GREB1L: variants seen among roughly 807,000 people sequenced by gnomAD.
GREB1L encodes the protein GREB1 like retinoic acid receptor coactivator.
In GREB1L, 17 loss-of-function variants were observed where a neutral mutation model predicts 200.8. The ratio of observed to expected loss-of-function variants is 0.08; its 90% CI spans 0.06 to 0.13. The LOEUF is 0.13. GREB1L is among the 10% of genes least tolerant of loss of function. The probability of loss-of-function intolerance (pLI) is 1.00; values close to 1 mark genes in which losing one functional copy is unlikely to be tolerated. For synonymous variants in GREB1L, 789 were observed against 893.0 expected, an observed-to-expected ratio of 0.88 and a Z score of 2.08; for missense variants, 1,657 against 2,367.7, an observed-to-expected ratio of 0.70 and a Z score of 6.23.
chr18:21,464,178 A>G (rs1389279768), intron 15 of GREB1L, among the ~76,000 whole-genome samples: 1 of 152,214 alleles, frequency 6.6e-6, no homozygotes, highest in Non-Finnish European at 1.5e-5. Flanking sequence ...CCCACTTTGT[A>G]GTACCAATGT....
intron 7 of GREB1L, among the ~76,000 whole-genome samples, chr18:21,417,040 TATAA>T (rs1294049619): frequency 7.3e-5 from 11 of 151,522 alleles, no homozygotes; most frequent in Admixed American, 3.3e-4. Flanking sequence ...ATAATAAAAA[TATAA>T]ATAAATAAAA....
At chr18:21,477,493 G>A (rs538420228) in intron 17 of GREB1L, 137 bp downstream of exon 17, 1 of 705,282 alleles carries the variant, frequency 1.4e-6, no homozygotes, top group Admixed American at 3.8e-5. Flanking sequence ...TTATGTAAGA[G>A]TTCAAAAATC....
At position 21,441,550 on chromosome 18, in the gene GREB1L, A is replaced by G. The variant is rs1462170163; in HGVS notation, c.1207+13A>G. Reference sequence around the variant, plus strand: ...GTAATTCTGATAGGTAAGGTAATGGAATTCCAAGTTGCCTGTGTCTGCTGG... The same window carrying G: ...GTAATTCTGATAGGTAAGGTAATGGGATTCCAAGTTGCCTGTGTCTGCTGG... On this transcript the variant is annotated intron_variant, in intron 10 of 32. Coordinates refer to ENST00000424526, the MANE Select transcript of GREB1L (RefSeq NM_001142966.3). 1.3e-6 allele frequency: 2 copies of G among 1,541,680 alleles called. No homozygotes were observed. Among genetic ancestry groups the G allele is most frequent in the Non-Finnish European group, 1.7e-6 (2 of 1,143,872 alleles).
rs2034553231 is a variant in GREB1L, at chr18:21,452,075, T to G, written c.1850-8T>G. The G allele has an allele frequency of 6.4e-7, 1 of 1,551,304 alleles. No individual in the cohort carries two copies. Among genetic ancestry groups the G allele is most frequent in the African/African-American group, 1.4e-5 (1 of 72,992 alleles). ...CCTTGTAACCTTCTTATCTCTATTT[T>G]GTAATAGGCGATGACCTAGACAAGC... On this transcript the variant is annotated splice_region_variant and splice_polypyrimidine_tract_variant and intron_variant, in intron 13 of 32. Transcript: ENST00000424526.
At chr18:21,470,130 A>C (rs1434602454) in intron 15 of GREB1L, among the ~76,000 whole-genome samples, 1 of 151,996 alleles carries the variant, frequency 6.6e-6, no homozygotes, top group African/African-American at 2.4e-5. Flanking sequence ...TATTAAAAAA[A>C]AAAAAATCTT....
At chr18:21,289,861 A>G (rs1308546257) in intron 1 of GREB1L, among the ~76,000 whole-genome samples, 1 of 152,152 alleles carries the variant, frequency 6.6e-6, no homozygotes. Context: ...GTGGCTACTA[A>G]TTGCCTCCAG....
In GREB1L at chr18:21,440,358, G is replaced by A; in HGVS notation, c.1039G>A (p.Val347Ile). ...CCCCCAACCTGGCTTAGTTGTACCT[G>A]TCCCTACAGTTCGCCCTCTTTCAAG... Reference protein sequence around the residue: ...PLPQPGLVVPVPTVRPLSRTE... With the variant: ...PLPQPGLVVPIPTVRPLSRTE... Residue 347 changes from valine to isoleucine, a missense_variant, in exon 9 of 33, where the codon GTC becomes ATC. Physicochemically the swap from Val to Ile is conservative, Grantham distance 29. This residue lies in a region of GREB1L where 289 missense variants were observed against 345.1 expected (regional missense o/e 0.84). Transcript: ENST00000424526. 1 of 1,551,814 alleles carries A rather than the reference G, an allele frequency of 6.4e-7. No homozygotes were observed. The highest frequency in any genetic ancestry group is 8.7e-7 in the Non-Finnish European group (1 of 1,146,836).
intron 1 of GREB1L, among the ~76,000 whole-genome samples, chr18:21,300,981 CTG>C (rs2038608314): frequency 6.6e-6 from 1 of 152,126 alleles, no homozygotes; most frequent in African/African-American, 2.4e-5. Context: ...TGAGTCTTTC[CTG>C]TGTTTTCTTG....
intron 1 of GREB1L, among the ~76,000 whole-genome samples, chr18:21,290,217 T>G (rs1018980126): frequency 2.6e-5 from 4 of 152,192 alleles, no homozygotes; most frequent in Non-Finnish European, 4.4e-5. Context: ...GCCCTCTAGA[T>G]GTAGCAAAAA....
intron 15 of GREB1L, among the ~76,000 whole-genome samples, chr18:21,470,894 AAAAAC>A (rs148418945): frequency 1.3e-5 from 2 of 152,350 alleles, no homozygotes; most frequent in African/African-American, 2.4e-5. Context: ...TATGAGGAAA[AAAAAC>A]AAAAATAAAA....
At chr18:21,513,380 C>CA (rs1381744793) in intron 27 of GREB1L, among the ~76,000 whole-genome samples, 5 of 152,220 alleles carry the variant, frequency 3.3e-5, no homozygotes, top group African/African-American at 1.2e-4. Flanking sequence ...CACTGCAGCC[C>CA]AGTTAACTCC....
intron 15 of GREB1L, among the ~76,000 whole-genome samples, chr18:21,471,905 G>GC (rs1200904045): frequency 2.6e-5 from 4 of 152,174 alleles, no homozygotes; most frequent in Non-Finnish European, 5.9e-5. Flanking sequence ...ACAGGCATGA[G>GC]CCACCACACC....
intron 2 of GREB1L, among the ~76,000 whole-genome samples, chr18:21,376,810 C>T (rs1015310591): frequency 2.0e-5 from 2 of 99,954 alleles, no homozygotes; most frequent in African/African-American, 4.7e-5. Context: ...GAGAGTCCGT[C>T]TCAAAAAAAA....
intron 31 of GREB1L, among the ~76,000 whole-genome samples, chr18:21,518,589 A>T (rs1200595894): frequency 1.3e-4 from 20 of 152,232 alleles, no homozygotes; most frequent in Admixed American, 1.3e-3. Context: ...CTTAACATTC[A>T]TCAGATTATA....
chr18:21,497,031 C>G (rs2036573068), intron 21 of GREB1L, among the ~76,000 whole-genome samples: 1 of 152,120 alleles, frequency 6.6e-6, no homozygotes, highest in South Asian at 2.1e-4. Flanking sequence ...GCACAAAGGC[C>G]CTGTTTTTCT....
intron 20 of GREB1L, 147 bp downstream of exon 20, chr18:21,495,932 T>A: frequency 1.9e-6 from 1 of 536,944 alleles, no homozygotes; most frequent in East Asian, 3.1e-5. Flanking sequence ...AATACAGCCA[T>A]ACAACCTTCT....
chr18:21,472,641 C>T (rs1281533026), intron 15 of GREB1L, among the ~76,000 whole-genome samples: 1 of 151,848 alleles, frequency 6.6e-6, no homozygotes, highest in African/African-American at 2.4e-5. Context: ...GTTAAAAAGG[C>T]TTATATTAAT....
intron 1 of GREB1L, among the ~76,000 whole-genome samples, chr18:21,335,938 C>G (rs1448847762): frequency 1.3e-5 from 2 of 152,122 alleles, no homozygotes; most frequent in Non-Finnish European, 2.9e-5. Flanking sequence ...GCTGGGATTA[C>G]AGGTGTGAGC....
chr18:21,388,035 G>C (rs2040616052), intron 4 of GREB1L, among the ~76,000 whole-genome samples: 1 of 152,172 alleles, frequency 6.6e-6, no homozygotes, highest in South Asian at 2.1e-4. Flanking sequence ...AAATAGACCA[G>C]ACCCTTGGCA....
Sources: allele counts gnomAD v4.1 joint callset (sites outside exome capture counted in the v4.1 genomes callset), GRCh38; gene constraint gnomAD v4.1.1; regional missense constraint gnomAD v4.1.1; transcripts MANE v1.5; gene names NCBI Gene and HGNC (gene_info 2026-07-23, HGNC 2026-07-21).